CDH13: variants seen among roughly 807,000 people sequenced by gnomAD.
CDH13 encodes the protein cadherin 13, also known as cadherin-13.
In CDH13, 24 loss-of-function variants were observed where a neutral mutation model predicts 63.8. That is an observed-to-expected ratio of 0.38 (90% CI 0.27 to 0.53). CDH13 has a LOEUF of 0.53. Ranked by LOEUF, CDH13 falls within the 20% of genes least tolerant of loss-of-function variation. The pLI, the probability that CDH13 is intolerant of heterozygous loss-of-function variation, is 0.85. For missense variants in CDH13, 1,049 were observed against 903.1 expected (o/e 1.16, Z -2.07); for synonymous variants, 503 against 355.3 (o/e 1.42, Z -4.67).
chr16:82,715,838 C>A (rs1398241182), intron 1 of CDH13, among the ~76,000 whole-genome samples: 5 of 152,152 alleles, frequency 3.3e-5, no homozygotes, highest in African/African-American at 1.2e-4. Flanking sequence ...TTTTTTATTT[C>A]CCCTGCTCTC....
At chr16:82,839,746 T>C (rs187561792) in intron 1 of CDH13, among the ~76,000 whole-genome samples, 2 of 152,230 alleles carry the variant, frequency 1.3e-5, no homozygotes, top group African/African-American at 4.8e-5. Context: ...AAGGAGACTC[T>C]AGTGTAGTCC....
intron 1 of CDH13, among the ~76,000 whole-genome samples, chr16:82,779,917 T>G (rs1033110813): frequency 1.3e-4 from 20 of 152,076 alleles, no homozygotes; most frequent in Non-Finnish European, 2.6e-4. Flanking sequence ...CCCCAAGAAG[T>G]CAAATACATC....
intron 2 of CDH13, among the ~76,000 whole-genome samples, chr16:83,031,590 C>G (rs1287589334): frequency 6.6e-6 from 1 of 151,948 alleles, no homozygotes; most frequent in African/African-American, 2.4e-5. Context: ...GCCTTCTCAT[C>G]TCCTACTTAT....
At chr16:83,432,070 C>T (rs1022510933) in intron 6 of CDH13, among the ~76,000 whole-genome samples, 3 of 152,068 alleles carry the variant, frequency 2.0e-5, no homozygotes, top group African/African-American at 4.8e-5. Context: ...CTGCAATTAC[C>T]CAGACCCAAG....
At chr16:82,874,142 G>C (rs1053122344) in intron 2 of CDH13, among the ~76,000 whole-genome samples, 2 of 152,088 alleles carry the variant, frequency 1.3e-5, no homozygotes, top group African/African-American at 4.8e-5. Flanking sequence ...TAAAACATAT[G>C]AATGTTTACC....
intron 1 of CDH13, among the ~76,000 whole-genome samples, chr16:82,735,500 T>G (rs948651606): frequency 1.3e-5 from 2 of 152,252 alleles, no homozygotes; most frequent in Non-Finnish European, 2.9e-5. Context: ...GAGATTCTGC[T>G]AAAGCTACAT....
chr16:83,480,774 A>T (rs532347817), intron 6 of CDH13, among the ~76,000 whole-genome samples: 6 of 152,308 alleles, frequency 3.9e-5, no homozygotes, highest in African/African-American at 9.6e-5. Context: ...CCCCAAACCC[A>T]TTCAAACTAA....
chr16:83,549,069 A>G (rs891905971), intron 7 of CDH13, among the ~76,000 whole-genome samples: 1 of 152,154 alleles, frequency 6.6e-6, no homozygotes, highest in Non-Finnish European at 1.5e-5. Context: ...GAGTGCTCTG[A>G]AAGCTCAGAG....
chr16:83,179,156 G>C (rs1419844910), intron 4 of CDH13, among the ~76,000 whole-genome samples: 1 of 152,128 alleles, frequency 6.6e-6, no homozygotes, highest in East Asian at 1.9e-4. Context: ...AACTGCCTTA[G>C]TAAGGAGTTC....
intron 2 of CDH13, among the ~76,000 whole-genome samples, chr16:82,898,088 A>G (rs2041330192): frequency 6.6e-6 from 1 of 152,246 alleles, no homozygotes; most frequent in Admixed American, 6.5e-5. Context: ...AGAAAAAATT[A>G]TTTTTAAAAT....
rs183508392 is a variant in CDH13 at position 83,501,529 on chromosome 16, C to G, written c.960+14874C>G. ...GTGAGACAGTTTATGTTGTGCTCAGCATTGGACAGCCACCATGTAAACAAT... is the reference window on the plus strand; with the variant it reads ...GTGAGACAGTTTATGTTGTGCTCAGGATTGGACAGCCACCATGTAAACAAT... On this transcript the variant is annotated intron_variant, in intron 7 of 13. Transcript: ENST00000567109. Among the ~76,000 whole-genome samples, 316 of 152,322 alleles carry G rather than the reference C, an allele frequency of 2.1e-3. 2 individuals are homozygous for G. The Middle Eastern group carries it at 0.024, about 11-fold the overall frequency.
At chr16:83,176,020 T>G (rs542188637) in intron 4 of CDH13, among the ~76,000 whole-genome samples, 75 of 148,324 alleles carry the variant, frequency 5.1e-4, no homozygotes, top group African/African-American at 1.8e-3. Context: ...TTTGTTTTTG[T>G]TTTTTTTTCA....
At chr16:82,931,883 A>G (rs2042507311) in intron 2 of CDH13, among the ~76,000 whole-genome samples, 1 of 152,176 alleles carries the variant, frequency 6.6e-6, no homozygotes, top group Non-Finnish European at 1.5e-5. Flanking sequence ...ACAATTCAAG[A>G]TGAGATTTGG....
chr16:83,492,970 G>T (rs973523708), intron 7 of CDH13, among the ~76,000 whole-genome samples: 2 of 152,212 alleles, frequency 1.3e-5, no homozygotes, highest in Non-Finnish European at 2.9e-5. Flanking sequence ...CCTGGCTTCA[G>T]AGAAATGGGC....
chr16:83,485,671 G>A (rs899223094), intron 6 of CDH13, among the ~76,000 whole-genome samples: 1 of 152,024 alleles, frequency 6.6e-6, no homozygotes, highest in African/African-American at 2.4e-5. Context: ...ACTAGATAAG[G>A]TTGTTCATCT....
intron 1 of CDH13, among the ~76,000 whole-genome samples, chr16:82,734,705 C>T (rs760392801): frequency 9.2e-5 from 14 of 152,206 alleles, no homozygotes; most frequent in Non-Finnish European, 1.8e-4. Context: ...GCAACCTTGG[C>T]CACTCTCTAG....
intron 1 of CDH13, among the ~76,000 whole-genome samples, chr16:82,832,360 T>C (rs1317511727): frequency 1.3e-5 from 2 of 152,168 alleles, no homozygotes; most frequent in East Asian, 1.9e-4. Flanking sequence ...GCATTGTCTT[T>C]TTCATAGTTT....
At chr16:83,656,997 A>G (rs1389908007) in intron 8 of CDH13, among the ~76,000 whole-genome samples, 4 of 152,186 alleles carry the variant, frequency 2.6e-5, no homozygotes, top group Non-Finnish European at 5.9e-5. Flanking sequence ...ACATTTATGG[A>G]GAATAAAACT....
At chr16:83,048,664 A>G (rs2029917069) in intron 3 of CDH13, among the ~76,000 whole-genome samples, 1 of 152,072 alleles carries the variant, frequency 6.6e-6, no homozygotes, top group African/African-American at 2.4e-5. Flanking sequence ...CCTCCCTCTC[A>G]GAGAAAGACC....
Sources: allele counts gnomAD v4.1 joint callset (sites outside exome capture counted in the v4.1 genomes callset), GRCh38; gene constraint gnomAD v4.1.1; transcripts MANE v1.5; gene names NCBI Gene and HGNC (gene_info 2026-07-23, HGNC 2026-07-21).